XYLT1: variants seen among roughly 807,000 people sequenced by gnomAD.
XYLT1 encodes the protein beta-D-xylosyltransferase 1.
In XYLT1, 36 loss-of-function variants were observed where a neutral mutation model predicts 91.3. The ratio of observed to expected loss-of-function variants is 0.39; its 90% CI spans 0.30 to 0.52. The LOEUF (loss-of-function observed/expected upper bound fraction) is 0.52, where lower values mean the gene tolerates loss of function less well. XYLT1 is among the 20% of genes least tolerant of loss of function. The pLI is 0.68. For synonymous variants in XYLT1, 588 were observed against 532.0 expected, an observed-to-expected ratio of 1.11 and a Z score of -1.45; for missense variants, 1,242 against 1,284.5, an observed-to-expected ratio of 0.97 and a Z score of 0.51.
chr16:17,356,151 T>C (rs2035291937), intron 2 of XYLT1, among the ~76,000 whole-genome samples: 1 of 152,034 alleles, frequency 6.6e-6, no homozygotes, highest in Admixed American at 6.6e-5. Flanking sequence ...TCTTCAGACG[T>C]TGCCAAATAA....
intron 2 of XYLT1, chr16:17,338,088 C>A (rs1054201320): frequency 2.4e-6 from 1 of 418,272 alleles, no homozygotes; most frequent in Non-Finnish European, 4.8e-6. Context: ...ATTTTAATGG[C>A]CCTCAAATCT....
intron 3 of XYLT1, among the ~76,000 whole-genome samples, chr16:17,243,191 C>A (rs1029600416): frequency 6.6e-6 from 1 of 152,240 alleles, no homozygotes; most frequent in African/African-American, 2.4e-5. Flanking sequence ...ATAATTCACA[C>A]AGATCCTCTC....
At chr16:17,174,747 G>A (rs2031901831) in intron 5 of XYLT1, among the ~76,000 whole-genome samples, 1 of 152,144 alleles carries the variant, frequency 6.6e-6, no homozygotes, top group Admixed American at 6.5e-5. Flanking sequence ...ACTAATTTCA[G>A]TTGTATATTA....
intron 2 of XYLT1, among the ~76,000 whole-genome samples, chr16:17,266,240 G>A (rs1446982789): frequency 6.6e-6 from 1 of 152,038 alleles, no homozygotes; most frequent in Admixed American, 6.6e-5. Context: ...AGAACATTTC[G>A]CCTCTCTTTG....
intron 1 of XYLT1, among the ~76,000 whole-genome samples, chr16:17,397,641 G>A (rs2035904797): frequency 6.6e-6 from 1 of 151,726 alleles, no homozygotes. Context: ...GGCAGACAAG[G>A]CAAGCTGAGA....
At chr16:17,141,422 C>T in intron 6 of XYLT1, 53 bp from the exon 7 acceptor site, 1 of 1,550,912 alleles carries the variant, frequency 6.4e-7, no homozygotes, top group Non-Finnish European at 8.8e-7. Flanking sequence ...AGACAGAACT[C>T]CAGCCAGAGT....
At chr16:17,392,763 T>C (rs2035835731) in intron 1 of XYLT1, among the ~76,000 whole-genome samples, 1 of 152,136 alleles carries the variant, frequency 6.6e-6, no homozygotes, top group Admixed American at 6.5e-5. Context: ...AATTAACAGC[T>C]TATCTTCAGA....
At chr16:17,461,139 G>C (rs1259994839) in intron 1 of XYLT1, among the ~76,000 whole-genome samples, 2 of 152,202 alleles carry the variant, frequency 1.3e-5, no homozygotes, top group Admixed American at 1.3e-4. Context: ...TCATTTCCAG[G>C]GTTGTTTCAT....
At chr16:17,368,584 T>G (rs2035485596) in intron 1 of XYLT1, among the ~76,000 whole-genome samples, 2 of 151,098 alleles carry the variant, frequency 1.3e-5, no homozygotes, top group African/African-American at 4.9e-5. Context: ...TTTTTTGGTT[T>G]TTACTTTAAA....
chr16:17,236,062 T>C (rs1011743474), intron 3 of XYLT1, among the ~76,000 whole-genome samples: 1 of 152,146 alleles, frequency 6.6e-6, no homozygotes, highest in African/African-American at 2.4e-5. Context: ...AGACGGGGTT[T>C]CACCATATTG....
chr16:17,271,550 G>A (rs572277301), intron 2 of XYLT1, among the ~76,000 whole-genome samples: 2 of 152,256 alleles, frequency 1.3e-5, no homozygotes, highest in East Asian at 1.9e-4. Flanking sequence ...TCTCAGGCAG[G>A]GTTTCTCAAG....
At chr16:17,303,337 C>T (rs1156585427) in intron 2 of XYLT1, among the ~76,000 whole-genome samples, 3 of 152,212 alleles carry the variant, frequency 2.0e-5, no homozygotes, top group East Asian at 1.9e-4. Context: ...TGTACAGCCA[C>T]GCTGGCAGAA....
chr16:17,327,135 A>G (rs2034816853), intron 2 of XYLT1, among the ~76,000 whole-genome samples: 1 of 152,248 alleles, frequency 6.6e-6, no homozygotes. Context: ...TCATCATCAC[A>G]CAATGTATGT....
chr16:17,436,071 T>C (rs1470173611), intron 1 of XYLT1, among the ~76,000 whole-genome samples: 1 of 152,144 alleles, frequency 6.6e-6, no homozygotes, highest in Non-Finnish European at 1.5e-5. Context: ...TCATGAGATC[T>C]GATGGTTTAA....
intron 3 of XYLT1, among the ~76,000 whole-genome samples, chr16:17,254,124 T>C (rs1024016293): frequency 7.2e-5 from 11 of 152,170 alleles, no homozygotes; most frequent in Admixed American, 6.5e-4. Flanking sequence ...GACAAGGCAG[T>C]GTTGCACATA....
At chr16:17,122,661 A>G (rs988479958) in intron 10 of XYLT1, among the ~76,000 whole-genome samples, 2 of 152,182 alleles carry the variant, frequency 1.3e-5, no homozygotes, top group Non-Finnish European at 2.9e-5. Context: ...TCTTTGCCTA[A>G]GCCAGTGTCT....
intron 5 of XYLT1, among the ~76,000 whole-genome samples, chr16:17,161,292 G>T (rs905237142): frequency 1.3e-5 from 2 of 152,220 alleles, no homozygotes; most frequent in African/African-American, 4.8e-5. Flanking sequence ...TGACATCTTG[G>T]GGGAGGGAGG....
chr16:17,327,139 T>C (rs1167224994), intron 2 of XYLT1, among the ~76,000 whole-genome samples: 2 of 152,232 alleles, frequency 1.3e-5, no homozygotes, highest in Non-Finnish European at 2.9e-5. Context: ...CATCACACAA[T>C]GTATGTGTAT....
intron 2 of XYLT1, among the ~76,000 whole-genome samples, chr16:17,296,626 G>A (rs555610078): frequency 6.6e-6 from 1 of 152,200 alleles, no homozygotes; most frequent in African/African-American, 2.4e-5. Context: ...GCTCTGATGG[G>A]CAGGAGCGCA....
Sources: gnomAD v4.1 joint callset for allele counts (sites outside exome capture counted in the v4.1 genomes callset) on GRCh38, gnomAD v4.1.1 for gene constraint, MANE v1.5 for transcripts, NCBI Gene and HGNC (gene_info 2026-07-23, HGNC 2026-07-21) for gene names.